Variants in MEP1A observed in about 807,000 individuals in gnomAD.
MEP1A encodes meprin A subunit alpha, also known as N-benzoyl-L-tyrosyl-P-amino-benzoic acid hydrolase subunit alpha.
In MEP1A, 68 loss-of-function variants were observed where a neutral mutation model predicts 84.5. That is an observed-to-expected ratio of 0.80 (90% confidence interval 0.66 to 0.98). The LOEUF (loss-of-function observed/expected upper bound fraction) is 0.98, where lower values mean the gene tolerates loss of function less well. Ranked by LOEUF, MEP1A falls within the 50% of genes least tolerant of loss-of-function variation. The pLI, the probability that MEP1A is intolerant of heterozygous loss-of-function variation, is 0.00. For missense variants in MEP1A, 887 were observed against 919.9 expected (o/e 0.96, Z 0.46); for synonymous variants, 337 against 336.8 (o/e 1.00, Z -0.01).
At chr6:46,816,709 G>A (rs558344440) in intron 6 of MEP1A, among the ~76,000 whole-genome samples, 6 of 152,246 alleles carry the variant, frequency 3.9e-5, no homozygotes, top group African/African-American at 1.4e-4. Context: ...CATGTCAGGA[G>A]CTTTTCATGG....
rs139947513 is a variant in MEP1A, at chr6:46,835,344, G to C, written c.1879G>C (p.Glu627Gln). The C allele has an allele frequency of 2.0e-5, 32 of 1,610,224 alleles. 1 individual carries two copies. Among genetic ancestry groups the C allele is most frequent in the Non-Finnish European group, 2.5e-5 (30 of 1,178,368 alleles). Reference sequence around the variant, plus strand: ...CCAAGGCCAGGAGCAGCAGGTCTCCGAAGAAGGTTCGGGAAAGGCCATGTT... The same window carrying C: ...CCAAGGCCAGGAGCAGCAGGTCTCCCAAGAAGGTTCGGGAAAGGCCATGTT... The part of the protein sequence containing the change: ...ILQGQEQQVS[E>Q]EGSGKAMLEE... The change falls in exon 13 of 14, where the codon GAA (glutamate) becomes CAA (glutamine). Residue 627 changes from glutamate to glutamine, a missense_variant. Glu to Gln is a conservative substitution (Grantham distance 29, BLOSUM62 2). Coordinates refer to ENST00000230588, the MANE Select transcript of MEP1A (RefSeq NM_005588.3).
At chr6:46,837,453 C>A (rs572254133) in intron 13 of MEP1A, among the ~76,000 whole-genome samples, 1 of 152,274 alleles carries the variant, frequency 6.6e-6, no homozygotes, top group Non-Finnish European at 1.5e-5. Flanking sequence ...TTTTTCCTGC[C>A]CCACCCATAG....
At position 46,833,578 on chromosome 6, in the gene MEP1A, C is replaced by G. The variant is rs745552465; in HGVS notation, c.1609+40C>G. The stretch of plus-strand genomic sequence containing the variant: ...CGCAAATAAGAACTGCCCCTTGAAC[C>G]AGAGAGGCCCACAGATGTGATTCTG... On this transcript the variant is annotated intron_variant, in intron 11 of 13. Transcript: ENST00000230588. 53 of 1,419,560 alleles carry G rather than the reference C, an allele frequency of 3.7e-5. 1 individual carries two copies. Among genetic ancestry groups the G allele is most frequent in the Non-Finnish European group, 5.1e-5 (52 of 1,009,926 alleles). The allele number at this position is 1,419,560 out of a possible 1,614,324, so 87.9% of individuals were successfully genotyped here. A position where few individuals can be genotyped will look rare whatever the true frequency, so the allele number is the denominator to read the frequency against.
At chr6:46,841,128 G>A (rs1423300440), downstream of MEP1A, among the ~76,000 whole-genome samples, 1 of 152,224 alleles carries the variant, frequency 6.6e-6, no homozygotes, top group African/African-American at 2.4e-5. Flanking sequence ...GGAGGAAGCA[G>A]AAGCTAAAAT....
Position 46,829,417 on chromosome 6 carries a change from G to A in MEP1A, c.990G>A (p.Leu330=), listed in dbSNP as rs1286689816. ...SSGSAEEAAL[L]ESRILYPKRK... is the part of the protein sequence containing the mutation. ...GGTCCGCGGAAGAGGCAGCCCTACT[G>A]GAGTCTCGGATTCTTTACCCAAAGA... The change falls in exon 10 of 14, where the codon CTG becomes CTA. Residue 330 remains leucine (L), a synonymous_variant. Coordinates refer to ENST00000230588, the MANE Select transcript of MEP1A (RefSeq NM_005588.3). 3 of 1,613,992 alleles carry A rather than the reference G, an allele frequency of 1.9e-6. No homozygotes were observed. Among genetic ancestry groups the A allele is most frequent in the African/African-American group, 1.3e-5 (1 of 74,904 alleles).
chr6:46,833,467 A>G lies in MEP1A; in HGVS notation c.1538A>G (p.Gln513Arg). 1 of 1,614,180 alleles carries G rather than the reference A, an allele frequency of 6.2e-7. No individual in the cohort carries two copies. The highest frequency in any genetic ancestry group is 2.2e-5 in the East Asian group (1 of 44,886). The change falls in exon 11 of 14, where the codon CAG becomes CGG. Residue 513 changes from glutamine (Q) to arginine (R), a missense_variant. By Grantham distance (43) the Gln-to-Arg change is conservative (BLOSUM62 1). Coordinates refer to ENST00000230588, the MANE Select transcript of MEP1A (RefSeq NM_005588.3). ...NRQVIITILD[Q>R]EPDVRNRMSS... is the part of the protein sequence containing the mutation. ...CAGGTGATAATTACCATCCTTGACC[A>G]GGAGCCTGATGTCCGGAACAGGATG... is the stretch of plus-strand genomic sequence containing the variant.
Position 46,824,640 on chromosome 6 carries a change from A to G in MEP1A, c.557-632A>G, listed in dbSNP as rs1256580573. Among the ~76,000 whole-genome samples, 61 of 130,512 alleles carry G rather than the reference A, an allele frequency of 4.7e-4. 1 individual carries two copies. The highest frequency in any genetic ancestry group is 1.8e-3 in the African/African-American group (58 of 31,952). The allele number at this position is 130,512 out of a possible 152,430, so 85.6% of individuals were successfully genotyped here. ...TATATATAAATTATATATTTAAATA[A>G]ATGTATTTAAATTTATATAATGTAT... On this transcript the variant is annotated intron_variant, in intron 7 of 13. Coordinates refer to ENST00000230588, the MANE Select transcript of MEP1A (RefSeq NM_005588.3).
the MEP1A span, among the ~76,000 whole-genome samples, chr6:46,845,174 C>T: frequency 0.016 from 2,415 of 152,208 alleles, 58 homozygotes; most frequent in African/African-American, 0.042. Flanking sequence ...GATACAGTGA[C>T]GTAGTGTGAT....
At chr6:46,809,814 A>G (rs554646514) in intron 6 of MEP1A, among the ~76,000 whole-genome samples, 26 of 146,660 alleles carry the variant, frequency 1.8e-4, no homozygotes, top group Admixed American at 2.8e-4. Context: ...GTGTGTGTGT[A>G]TATATATATA....
intron 2 of MEP1A, 30 bp from the exon 3 acceptor site, chr6:46,793,636 A>C: frequency 1.3e-6 from 2 of 1,588,626 alleles, no homozygotes; most frequent in Non-Finnish European, 1.7e-6. Context: ...CGGCAAGACT[A>C]ATAATAATTT....
intron 9 of MEP1A, among the ~76,000 whole-genome samples, chr6:46,828,164 A>G (rs1767990140): frequency 6.6e-6 from 1 of 151,796 alleles, no homozygotes; most frequent in Non-Finnish European, 1.5e-5. Flanking sequence ...CTCTCAATTC[A>G]TGCTTCATAA....
At chr6:46,816,008 C>T (rs1179553412) in intron 6 of MEP1A, among the ~76,000 whole-genome samples, 1 of 152,074 alleles carries the variant, frequency 6.6e-6, no homozygotes, top group Non-Finnish European at 1.5e-5. Context: ...ATGATCTCGG[C>T]TCACTGGAAC....
At chr6:46,841,031 A>G (rs1768322590), downstream of MEP1A, among the ~76,000 whole-genome samples, 1 of 152,176 alleles carries the variant, frequency 6.6e-6, no homozygotes, top group Admixed American at 6.5e-5. Flanking sequence ...TGTTTTATTA[A>G]AAGGAGCATG....
chr6:46,816,517 G>A (rs1470387055), intron 6 of MEP1A, among the ~76,000 whole-genome samples: 1 of 151,766 alleles, frequency 6.6e-6, no homozygotes, highest in Non-Finnish European at 1.5e-5. Context: ...AGAGAAGAAG[G>A]GAGGACAAAT....
intron 6 of MEP1A, among the ~76,000 whole-genome samples, chr6:46,817,615 A>G (rs1767671196): frequency 6.6e-6 from 1 of 152,204 alleles, no homozygotes; most frequent in African/African-American, 2.4e-5. Flanking sequence ...TTCAGCTACC[A>G]CTTTTGCATC....
At chr6:46,821,651 A>G (rs1013060362) in intron 7 of MEP1A, among the ~76,000 whole-genome samples, 1 of 152,156 alleles carries the variant, frequency 6.6e-6, no homozygotes, top group African/African-American at 2.4e-5. Flanking sequence ...AAACATTTCT[A>G]TTTCCAAGTC....
the MEP1A span, among the ~76,000 whole-genome samples, chr6:46,845,885 C>G: frequency 6.6e-6 from 1 of 151,992 alleles, no homozygotes; most frequent in South Asian, 2.1e-4. Flanking sequence ...ACTGAGAAAG[C>G]CTTAATTAAC....
intron 10 of MEP1A, among the ~76,000 whole-genome samples, chr6:46,832,369 G>T (rs568674387): frequency 6.6e-6 from 1 of 152,320 alleles, no homozygotes; most frequent in South Asian, 2.1e-4. Flanking sequence ...TTCTAGAACG[G>T]CCTTCTCACC....
chr6:46,826,383 A>G lies in MEP1A; in HGVS notation c.808A>G (p.Thr270Ala). The G allele has an allele frequency of 1.2e-6, 2 of 1,609,158 alleles. No individual in the cohort carries two copies. The highest frequency in any genetic ancestry group is 8.5e-7 in the Non-Finnish European group (1 of 1,177,696). ...TTTHTLLDHCTFEKANICGMI... is the reference protein window; with the variant it reads ...TTTHTLLDHCAFEKANICGMI... ...AACTCACACTCTTTTGGACCACTGT[A>G]CTTTTGAGAAGGCAAACATCTGTGG... The change falls in exon 9 of 14, where the codon ACT (threonine) becomes GCT (alanine). Residue 270 changes from threonine (T) to alanine (A), a missense_variant. Transcript: ENST00000230588.
Sources: allele counts gnomAD v4.1 joint callset (sites outside exome capture counted in the v4.1 genomes callset), GRCh38; gene constraint gnomAD v4.1.1; transcripts MANE v1.5; gene names NCBI Gene and HGNC (gene_info 2026-07-23, HGNC 2026-07-21).